Variants in MMD2 observed in about 807,000 individuals in gnomAD.
MMD2 encodes monocyte to macrophage differentiation associated 2.
Under a neutral mutation model 33.5 loss-of-function variants are expected in MMD2, and 30 were observed. That is an observed-to-expected ratio of 0.90 (90% confidence interval 0.67 to 1.22). The LOEUF (loss-of-function observed/expected upper bound fraction) is 1.22, where lower values mean the gene tolerates loss of function less well. Ranked by LOEUF, MMD2 falls within the 50% of genes most tolerant of loss-of-function variation. The pLI is 0.00. For synonymous variants in MMD2, 129 were observed against 123.0 expected (o/e 1.05, Z -0.32); for missense variants, 364 against 325.4 (o/e 1.12, Z -0.91).
chr7:4,949,408 C>T (rs535223646), intron 1 of MMD2, among the ~76,000 whole-genome samples: 4 of 152,050 alleles, frequency 2.6e-5, no homozygotes, highest in Non-Finnish European at 4.4e-5. Flanking sequence ...ATTTTTTGAT[C>T]CCACAAATAA....
chr7:4,923,815 G>A (rs577496581), intron 2 of MMD2, among the ~76,000 whole-genome samples: 2 of 152,144 alleles, frequency 1.3e-5, no homozygotes, highest in East Asian at 1.9e-4. Context: ...GCTCAGCAGA[G>A]CACCTGCTCA....
the MMD2 span, among the ~76,000 whole-genome samples, chr7:4,892,492 G>T: frequency 6.6e-6 from 1 of 151,532 alleles, no homozygotes; most frequent in African/African-American, 2.4e-5. Context: ...GGAGGCTGAG[G>T]CAGAAGAATC....
In MMD2 at chr7:4,940,182, C is replaced by G. The variant is rs912195381; in HGVS notation, c.48-14650G>C. 2.6e-5 allele frequency among the ~76,000 whole-genome samples: 4 copies of G among 152,160 alleles called. No individual in the cohort carries two copies. The highest frequency in any genetic ancestry group is 9.6e-5 in the African/African-American group (4 of 41,456). ...GGTTCCTGAGGCCTGGCATGTTGAGCATCCTGACCTGGGTGCAGGGTCCGG... is the reference window on the plus strand; with the variant it reads ...GGTTCCTGAGGCCTGGCATGTTGAGGATCCTGACCTGGGTGCAGGGTCCGG... On this transcript the variant is annotated intron_variant, in intron 1 of 6. Coordinates refer to ENST00000401401, the MANE Select transcript of MMD2 (RefSeq NM_198403.4). This position sits in a 1 kb window ranked among gnomAD's most constrained non-coding sequence, Gnocchi z 5.0.
chr7:4,909,948 T>C lies in MMD2; in HGVS notation c.470A>G (p.Tyr157Cys), dbSNP rs777193696. Residue 157 changes from tyrosine (Y) to cysteine (C), a missense_variant and splice_region_variant, in exon 6 of 7, where the codon TAC (tyrosine) becomes TGC (cysteine). Physicochemically the swap from Tyr to Cys is radical, Grantham distance 194 (BLOSUM62 -2). Transcript: ENST00000401401. ...TIYVFFFHER[Y>C]KLVELLCYVV... ...GTAGCAGAGAAGCTCCACAAGCTTGTACCTGGCAGGAAGACAAGCCGTGCC... is the reference window on the plus strand; with the variant it reads ...GTAGCAGAGAAGCTCCACAAGCTTGCACCTGGCAGGAAGACAAGCCGTGCC... 23 of 1,613,804 alleles carry C rather than the reference T, an allele frequency of 1.4e-5. No individual in the cohort carries two copies. Among genetic ancestry groups the C allele is most frequent in the Non-Finnish European group, 2.5e-6 (3 of 1,179,906 alleles).
chr7:4,933,740 C>A (rs889086627), intron 1 of MMD2, among the ~76,000 whole-genome samples: 1 of 151,968 alleles, frequency 6.6e-6, no homozygotes, highest in Non-Finnish European at 1.5e-5. Flanking sequence ...CCAATCATTC[C>A]TCCTGCCTCA....
At chr7:4,944,763 T>TTA (rs1562493485) in intron 1 of MMD2, among the ~76,000 whole-genome samples, 1 of 91,646 alleles carries the variant, frequency 1.1e-5, no homozygotes, top group African/African-American at 6.0e-5. Flanking sequence ...TCTTCTTCTT[T>TTA]TTTTTTTTTT....
chr7:4,907,127 A>C lies in MMD2; in HGVS notation c.*269T>G, dbSNP rs1241992541. The stretch of plus-strand genomic sequence containing the variant: ...AGGACCATGCCTGCTTCCTTTTCTG[A>C]AGATGTTAATGTTGCTTGTATTAGG... On this transcript the variant is annotated 3_prime_UTR_variant, in exon 7 of 7. Transcript: ENST00000401401. 7 of 431,266 alleles carry C rather than the reference A, an allele frequency of 1.6e-5. No individual in the cohort carries two copies. In the East Asian group the frequency reaches 3.1e-4, roughly 19 times the overall value. 26.7% of individuals were successfully genotyped at this position (431,266 alleles called of 1,614,324 possible).
At chr7:4,911,100 A>C in intron 5 of MMD2, 45 bp downstream of exon 5, 1 of 1,478,016 alleles carries the variant, frequency 6.8e-7, no homozygotes, top group Non-Finnish European at 9.3e-7. Flanking sequence ...AGGCCAGAGC[A>C]TCTAAGGGAA....
the MMD2 span, among the ~76,000 whole-genome samples, chr7:4,898,220 G>T: frequency 6.6e-6 from 1 of 152,144 alleles, no homozygotes; most frequent in Admixed American, 6.6e-5. Context: ...AGGGTTCTGG[G>T]TAACCAGATT....
downstream of MMD2, among the ~76,000 whole-genome samples, chr7:4,901,900 T>A (rs986724432): frequency 2.6e-5 from 4 of 152,230 alleles, no homozygotes; most frequent in African/African-American, 9.6e-5. Flanking sequence ...GCATGAGTAT[T>A]TACACCATGG....
chr7:4,946,251 C>T lies in MMD2; in HGVS notation c.47+12720G>A, dbSNP rs1460323139. The stretch of plus-strand genomic sequence containing the variant: ...TACACGCACACACACGCACACCCCA[C>T]CCCGTGCACACAATCCCAGGAGCTT... On this transcript the variant is annotated intron_variant, in intron 1 of 6. Transcript: ENST00000401401. This position sits in a 1 kb window ranked among gnomAD's most constrained non-coding sequence, Gnocchi z 5.0. Among the ~76,000 whole-genome samples the T allele has an allele frequency of 6.6e-6, 1 of 152,082 alleles. No individual in the cohort carries two copies. The highest frequency in any genetic ancestry group is 2.4e-5 in the African/African-American group (1 of 41,416).
Position 4,946,078 on chromosome 7 carries a change from C to T in MMD2, c.47+12893G>A, listed in dbSNP as rs1583397654. ...GGCAAAATGCACACACTCACACGCA[C>T]GCACACGCACGCACACACACGCATG... On this transcript the variant is annotated intron_variant, in intron 1 of 6. Transcript: ENST00000401401. This position sits in a 1 kb window ranked among gnomAD's most constrained non-coding sequence, Gnocchi z 5.0. Among the ~76,000 whole-genome samples the T allele has an allele frequency of 6.6e-6, 1 of 151,662 alleles. No homozygotes were observed. The highest frequency in any genetic ancestry group is 1.5e-5 in the Non-Finnish European group (1 of 67,912).
At chr7:4,903,947 T>A (rs949032039), downstream of MMD2, among the ~76,000 whole-genome samples, 2 of 152,160 alleles carry the variant, frequency 1.3e-5, no homozygotes, top group Non-Finnish European at 2.9e-5. Context: ...ACCCTTTTTT[T>A]TTGAGACGGA....
In MMD2 at chr7:4,906,545, G is replaced by C; in HGVS notation, c.*851C>G. Reference sequence around the variant, plus strand: ...GTAATGTCTCTGGATTTTTGGAGATGGGAAGAAATGGCCAAGTAACAGCAT... The same window carrying C: ...GTAATGTCTCTGGATTTTTGGAGATCGGAAGAAATGGCCAAGTAACAGCAT... On this transcript the variant is annotated 3_prime_UTR_variant, in exon 7 of 7. Coordinates refer to ENST00000401401, the MANE Select transcript of MMD2 (RefSeq NM_198403.4). 1 of 398,602 alleles carries C rather than the reference G, an allele frequency of 2.5e-6. No individual in the cohort carries two copies. Among genetic ancestry groups the C allele is most frequent in the Non-Finnish European group, 4.4e-6 (1 of 226,068 alleles). 24.7% of individuals were successfully genotyped at this position (398,602 alleles called of 1,614,324 possible).
chr7:4,930,914 G>A (rs913621276), intron 1 of MMD2, among the ~76,000 whole-genome samples: 2 of 152,016 alleles, frequency 1.3e-5, no homozygotes, highest in African/African-American at 2.4e-5. Flanking sequence ...GCAGTGGCGC[G>A]ATCTCGGCTG....
intron 6 of MMD2, among the ~76,000 whole-genome samples, chr7:4,908,013 T>C (rs953850238): frequency 1.3e-5 from 2 of 152,062 alleles, no homozygotes; most frequent in African/African-American, 2.4e-5. Flanking sequence ...TCTCACTATA[T>C]TGCCCAGGCT....
intron 1 of MMD2, among the ~76,000 whole-genome samples, chr7:4,948,952 C>G (rs1386270453): frequency 2.6e-5 from 4 of 152,156 alleles, no homozygotes; most frequent in South Asian, 4.1e-4. Flanking sequence ...GCTGGGACTA[C>G]AGGGTTTCAC....
At chr7:4,954,077 G>A (rs894324952) in intron 1 of MMD2, among the ~76,000 whole-genome samples, 4 of 151,854 alleles carry the variant, frequency 2.6e-5, no homozygotes, top group East Asian at 1.9e-4. Context: ...AGAGATCCTC[G>A]CACCTCAGCC....
chr7:4,926,036 C>T (rs919327245), intron 1 of MMD2, among the ~76,000 whole-genome samples: 3 of 152,122 alleles, frequency 2.0e-5, no homozygotes, highest in Admixed American at 6.6e-5. Context: ...AAACTCCTGA[C>T]CTCAGGTGAT....
Sources: gnomAD v4.1 joint callset for allele counts (sites outside exome capture counted in the v4.1 genomes callset) on GRCh38, gnomAD v4.1.1 for gene constraint, Gnocchi (gnomAD v3.1) non-coding constraint, MANE v1.5 for transcripts, NCBI Gene and HGNC (gene_info 2026-07-23, HGNC 2026-07-21) for gene names.